Variants in CHP1 observed in about 807,000 individuals in gnomAD.
The protein encoded by CHP1 is calcineurin B homologous protein 1.
CHP1 carries 11 observed loss-of-function variants against 27.4 expected under a neutral mutation model. The ratio of observed to expected loss-of-function variants is 0.40; its 90% CI spans 0.25 to 0.67. The LOEUF (loss-of-function observed/expected upper bound fraction) is 0.67. Among genes scored for constraint, CHP1 ranks in the 30% least tolerant of loss-of-function variants. CHP1 has a pLI of 0.38. For missense variants in CHP1, 169 were observed against 251.3 expected (o/e 0.67, Z 2.22); for synonymous variants, 89 against 87.4 (o/e 1.02, Z -0.10).
At chr15:41,259,120 A>C (rs1418084432) in intron 3 of CHP1, among the ~76,000 whole-genome samples, 1 of 151,838 alleles carries the variant, frequency 6.6e-6, no homozygotes, top group Non-Finnish European at 1.5e-5. Flanking sequence ...CCTTTTTTCT[A>C]ATTCCTCTTT....
At chr15:41,249,832 T>C (rs2047356163) in intron 2 of CHP1, among the ~76,000 whole-genome samples, 1 of 142,906 alleles carries the variant, frequency 7.0e-6, no homozygotes, top group African/African-American at 2.6e-5. Flanking sequence ...CTTCAACAAT[T>C]TTTTTTTTTT....
intron 1 of CHP1, among the ~76,000 whole-genome samples, chr15:41,238,809 G>A (rs529408218): frequency 3.3e-5 from 5 of 152,008 alleles, no homozygotes; most frequent in African/African-American, 4.8e-5. Context: ...CCAAGATCGC[G>A]CCACTGCACT....
chr15:41,231,524 T>C, intron 1 of CHP1, 75 bp downstream of exon 1: 1 of 1,440,210 alleles, frequency 6.9e-7, no homozygotes, highest in Non-Finnish European at 9.6e-7. Flanking sequence ...GTCGCTAAGG[T>C]CTGGAGCTCG....
intron 2 of CHP1, among the ~76,000 whole-genome samples, chr15:41,245,884 C>T (rs1350916123): frequency 6.6e-6 from 1 of 152,104 alleles, no homozygotes; most frequent in Non-Finnish European, 1.5e-5. Context: ...TTGCCAAATC[C>T]AGTGTCCCAA....
At chr15:41,244,273 C>G (rs1007836935) in intron 2 of CHP1, among the ~76,000 whole-genome samples, 1 of 151,744 alleles carries the variant, frequency 6.6e-6, no homozygotes, top group African/African-American at 2.4e-5. Flanking sequence ...TCCAACTCCC[C>G]TTAATTTAGG....
chr15:41,277,977 A>G (rs1280092573), intron 5 of CHP1, among the ~76,000 whole-genome samples: 1 of 151,862 alleles, frequency 6.6e-6, no homozygotes, highest in Admixed American at 6.6e-5. Context: ...CCAAAAACAA[A>G]TACTTACATC....
chr15:41,265,090 G>A (rs933284647), intron 4 of CHP1, among the ~76,000 whole-genome samples: 4 of 152,046 alleles, frequency 2.6e-5, no homozygotes, highest in Non-Finnish European at 4.4e-5. Context: ...GGCCAGGTGC[G>A]GTGGCTCACG....
Position 41,280,577 on chromosome 15 carries a change from C to T in CHP1, c.*1188C>T, listed in dbSNP as rs543078682. Reference sequence around the variant, plus strand: ...TCACCCAGGCTGGAGTGCAGTGGTGCGATCGCTCACTGCAACCTCAGCCTC... The same window carrying T: ...TCACCCAGGCTGGAGTGCAGTGGTGTGATCGCTCACTGCAACCTCAGCCTC... On this transcript the variant is annotated 3_prime_UTR_variant, in exon 7 of 7. Coordinates refer to ENST00000334660, the MANE Select transcript of CHP1 (RefSeq NM_007236.5). The T allele has an allele frequency of 9.2e-4, 113 of 122,344 alleles. No homozygotes were observed. The highest frequency in any genetic ancestry group is 3.2e-3 in the African/African-American group (102 of 31,540). 7.6% of individuals were successfully genotyped at this position (122,344 alleles called of 1,614,324 possible).
chr15:41,255,641 C>T (rs1325620133), intron 2 of CHP1, among the ~76,000 whole-genome samples: 1 of 152,138 alleles, frequency 6.6e-6, no homozygotes, highest in Non-Finnish European at 1.5e-5. Context: ...AGCCACTACA[C>T]TCCAGCCTGG....
intron 2 of CHP1, among the ~76,000 whole-genome samples, chr15:41,244,655 C>T (rs960435965): frequency 2.4e-4 from 37 of 151,986 alleles, no homozygotes; most frequent in Non-Finnish European, 1.2e-4. Flanking sequence ...CAGGACAGCC[C>T]CCATGACAAA....
chr15:41,261,906 C>T (rs995460477), intron 3 of CHP1, among the ~76,000 whole-genome samples: 2 of 151,468 alleles, frequency 1.3e-5, no homozygotes, highest in African/African-American at 4.9e-5. Flanking sequence ...GCAGGAGAAT[C>T]GCTTGAACCA....
chr15:41,243,604 G>A, intron 1 of CHP1, 63 bp from the exon 2 acceptor site: 10 of 1,309,460 alleles, frequency 7.6e-6, no homozygotes, highest in South Asian at 4.8e-5. Flanking sequence ...TGACAGCGAG[G>A]GGTGGGTTCA....
chr15:41,263,361 A>G (rs1334951020), intron 4 of CHP1, among the ~76,000 whole-genome samples: 1 of 152,182 alleles, frequency 6.6e-6, no homozygotes, highest in African/African-American at 2.4e-5. Flanking sequence ...TTTGATAGAC[A>G]CTGGATGTGA....
intron 3 of CHP1, among the ~76,000 whole-genome samples, chr15:41,258,135 C>T (rs8036686): frequency 0.38 from 57,792 of 151,960 alleles, 11,938 homozygotes; most frequent in African/African-American, 0.56. Flanking sequence ...CATACACATA[C>T]ATACATGTAT....
At chr15:41,244,862 C>G (rs1347408998) in intron 2 of CHP1, among the ~76,000 whole-genome samples, 2 of 152,294 alleles carry the variant, frequency 1.3e-5, no homozygotes, top group East Asian at 3.9e-4. Context: ...GGTTCTTCAT[C>G]TTTGATTGGC....
At chr15:41,263,431 A>G in intron 4 of CHP1, among the ~76,000 whole-genome samples, 1 of 152,202 alleles carries the variant, frequency 6.6e-6, no homozygotes, top group East Asian at 1.9e-4. Context: ...CCCGTGTCTC[A>G]TGCCTCTTTT....
chr15:41,244,393 C>T (rs537787443), intron 2 of CHP1, among the ~76,000 whole-genome samples: 2 of 152,204 alleles, frequency 1.3e-5, no homozygotes, highest in South Asian at 4.2e-4. Flanking sequence ...TGACCCATAG[C>T]GATCCCAGGT....
Position 41,280,505 on chromosome 15 carries a change from A to AGTTT in CHP1, c.*1116_*1117insGTTT. The AGTTT allele has an allele frequency of 1.8e-5, 2 of 111,364 alleles. No individual in the cohort carries two copies. The highest frequency in any genetic ancestry group is 3.5e-5 in the Non-Finnish European group (2 of 56,596). The allele number at this position is 111,364 out of a possible 1,614,324, so 6.9% of individuals were successfully genotyped here. On this transcript the variant is annotated 3_prime_UTR_variant, in exon 7 of 7. Coordinates refer to ENST00000334660, the MANE Select transcript of CHP1 (RefSeq NM_007236.5). ...GGAAGTGCCTAATATCCCAGTCCAA[A>AGTTT]TTTTTTTTTTTTTTTTTTTTTTTTT...
intron 3 of CHP1, 109 bp downstream of exon 3, chr15:41,257,099 C>A: frequency 1.6e-6 from 1 of 639,446 alleles, no homozygotes; most frequent in South Asian, 2.0e-5. Context: ...GTGATACCCC[C>A]TGATTATATT....
Sources: gnomAD v4.1 joint callset for allele counts (sites outside exome capture counted in the v4.1 genomes callset) on GRCh38, gnomAD v4.1.1 for gene constraint, MANE v1.5 for transcripts, NCBI Gene and HGNC (gene_info 2026-07-23, HGNC 2026-07-21) for gene names.